NXN: variants seen among roughly 807,000 people sequenced by gnomAD.
NXN encodes nucleoredoxin.
Under a neutral mutation model 48.6 loss-of-function variants are expected in NXN, and 16 were observed. The observed-to-expected ratio is 0.33, with a 90% CI of 0.22 to 0.50. The LOEUF (loss-of-function observed/expected upper bound fraction) is 0.50. Ranked by LOEUF, NXN falls within the 20% of genes least tolerant of loss-of-function variation. The pLI, the probability that NXN is intolerant of heterozygous loss-of-function variation, is 0.98. For synonymous variants in NXN, 281 were observed against 269.6 expected, an observed-to-expected ratio of 1.04 and a Z score of -0.41; for missense variants, 492 against 605.5, an observed-to-expected ratio of 0.81 and a Z score of 1.97.
At chr17:848,405 T>C (rs1321298055) in intron 1 of NXN, among the ~76,000 whole-genome samples, 2 of 152,196 alleles carry the variant, frequency 1.3e-5, no homozygotes, top group African/African-American at 2.4e-5. Context: ...CCTCCCAAAG[T>C]GTTGGGATTA....
intron 1 of NXN, among the ~76,000 whole-genome samples, chr17:886,381 T>C (rs978031667): frequency 6.6e-6 from 1 of 152,174 alleles, no homozygotes; most frequent in African/African-American, 2.4e-5. Flanking sequence ...GAGGGAATAT[T>C]TATTCCAAGA....
In NXN at chr17:888,626, A is replaced by T. The variant is rs540816330; in HGVS notation, c.361-62548T>A. 2.6e-5 allele frequency among the ~76,000 whole-genome samples: 4 copies of T among 152,040 alleles called. No individual in the cohort carries two copies. The East Asian group carries it at 5.8e-4, about 22-fold the overall frequency. On this transcript the variant is annotated intron_variant, in intron 1 of 7. Transcript: ENST00000336868. ...ATAAAAAATAAATACAGCTGGGATG[A>T]GAGAGGACATTCTAGATGCATCAGA... is the stretch of plus-strand genomic sequence containing the variant.
intron 1 of NXN, among the ~76,000 whole-genome samples, chr17:832,478 C>G (rs1259085343): frequency 2.0e-5 from 3 of 152,142 alleles, no homozygotes; most frequent in African/African-American, 7.2e-5. Flanking sequence ...AGCCACCATG[C>G]CCAGCCTCAG....
chr17:873,731 A>C (rs961205636), intron 1 of NXN, among the ~76,000 whole-genome samples: 3 of 152,114 alleles, frequency 2.0e-5, no homozygotes, highest in Admixed American at 6.6e-5. Flanking sequence ...GCCTTCTCAG[A>C]CCTATGAAAA....
intron 1 of NXN, among the ~76,000 whole-genome samples, chr17:867,944 C>T (rs761634404): frequency 6.6e-6 from 1 of 151,716 alleles, no homozygotes; most frequent in Non-Finnish European, 1.5e-5. Flanking sequence ...TGTGCAGAAG[C>T]TGTTCAGATG....
chr17:825,543 T>G lies in NXN; in HGVS notation c.478+418A>C. On this transcript the variant is annotated intron_variant, in intron 2 of 7. Transcript: ENST00000336868. This position sits in a 1 kb window ranked among gnomAD's most constrained non-coding sequence, Gnocchi z 4.1. The stretch of plus-strand genomic sequence containing the variant: ...GCACTCACCGCCAAGGCCAGGAGAG[T>G]GACACGGGGGCTGGGACTTCGCTAT... 1 of 166,874 alleles carries G rather than the reference T, an allele frequency of 6.0e-6. No individual in the cohort carries two copies. Among genetic ancestry groups the G allele is most frequent in the Non-Finnish European group, 1.3e-5 (1 of 76,392 alleles). 10.3% of individuals were successfully genotyped at this position (166,874 alleles called of 1,614,324 possible).
intron 1 of NXN, among the ~76,000 whole-genome samples, chr17:831,981 G>T (rs1408015889): frequency 7.5e-6 from 1 of 132,752 alleles, no homozygotes; most frequent in Non-Finnish European, 1.6e-5. Context: ...GTTCTGTGGG[G>T]CTTGGGGCTC....
At chr17:887,163 C>T (rs939169191) in intron 1 of NXN, among the ~76,000 whole-genome samples, 6 of 152,026 alleles carry the variant, frequency 3.9e-5, no homozygotes, top group Non-Finnish European at 5.9e-5. Context: ...GCAATTCACC[C>T]GCCTCAACCT....
intron 1 of NXN, among the ~76,000 whole-genome samples, chr17:951,758 G>C (rs1016324971): frequency 2.8e-4 from 43 of 152,178 alleles, no homozygotes; most frequent in African/African-American, 1.0e-3. Flanking sequence ...GCCAGCCCCA[G>C]AGGGGCGGGC....
In NXN at chr17:835,165, G is replaced by A. The variant is rs532328887; in HGVS notation, c.361-9087C>T. Among the ~76,000 whole-genome samples the A allele has an allele frequency of 1.0e-3, 152 of 151,474 alleles. 1 individual carries two copies. The highest frequency in any genetic ancestry group is 2.9e-3 in the African/African-American group (118 of 41,236). ...CTACTAAAAATACAAAAAATTAGCCGGGTGTGGTGACGGGTGCCTGTACTC... is the reference window on the plus strand; with the variant it reads ...CTACTAAAAATACAAAAAATTAGCCAGGTGTGGTGACGGGTGCCTGTACTC... On this transcript the variant is annotated intron_variant, in intron 1 of 7. Coordinates refer to ENST00000336868, the MANE Select transcript of NXN (RefSeq NM_022463.5).
chr17:805,661 AC>A (rs202036560), intron 5 of NXN, among the ~76,000 whole-genome samples: 26,892 of 151,546 alleles, frequency 0.18, 2,626 homozygotes, highest in East Asian at 0.42. Context: ...ACATGGTGAA[AC>A]CCCCGTCTCT....
Position 821,750 on chromosome 17 carries a change from C to A in NXN, c.713+607G>T, listed in dbSNP as rs568265568. 2.9e-3 allele frequency among the ~76,000 whole-genome samples: 431 copies of A among 149,260 alleles called. 2 individuals carry two copies. Among genetic ancestry groups the A allele is most frequent in the African/African-American group, 0.01 (406 of 40,336 alleles). ...TGGGCGACAGAGCGAGACTCCGTCTCAAAAAAAACCCAAAAAACAAAAAAC... is the reference window on the plus strand; with the variant it reads ...TGGGCGACAGAGCGAGACTCCGTCTAAAAAAAAACCCAAAAAACAAAAAAC... On this transcript the variant is annotated intron_variant, in intron 4 of 7. Coordinates refer to ENST00000336868, the MANE Select transcript of NXN (RefSeq NM_022463.5).
chr17:896,855 C>CCCGGGGGGGGGGGG, intron 1 of NXN: 1 of 1,102,006 alleles, frequency 9.1e-7, no homozygotes, highest in Non-Finnish European at 1.2e-6. Context: ...GCGGTCCTGA[C>CCCGGGGGGGGGGGG]CACCCGCCCC....
chr17:819,474 C>A lies in NXN; in HGVS notation c.785G>T (p.Arg262Leu). The change falls in exon 5 of 8, where the codon CGG becomes CTG. Residue 262 changes from arginine (R) to leucine (L), a missense_variant. Around this residue, in one of 3 missense-constraint regions of NXN, gnomAD observed 303 missense variants for 388.3 expected, o/e 0.78. Coordinates refer to ENST00000336868, the MANE Select transcript of NXN (RefSeq NM_022463.5). ...GTACAGCCGGTTGAGGCGCGACCGC[C>A]GGGCCTCATCCGTGTAGGGGACGGC... Reference protein sequence around the residue: ...WLAVPYTDEARRSRLNRLYGI... With the variant: ...WLAVPYTDEALRSRLNRLYGI... 1 of 1,614,126 alleles carries A rather than the reference C, an allele frequency of 6.2e-7. No individual in the cohort carries two copies. The highest frequency in any genetic ancestry group is 1.3e-5 in the African/African-American group (1 of 75,070).
At chr17:842,114 C>G (rs138139862) in intron 1 of NXN, among the ~76,000 whole-genome samples, 1 of 152,112 alleles carries the variant, frequency 6.6e-6, no homozygotes, top group East Asian at 1.9e-4. Flanking sequence ...CCAGCCTGGG[C>G]GACAGAGAGA....
chr17:971,019 T>C (rs1445891732), intron 1 of NXN, among the ~76,000 whole-genome samples: 3 of 150,226 alleles, frequency 2.0e-5, no homozygotes, highest in Non-Finnish European at 2.9e-5. Context: ...CGATCTCGGC[T>C]CAATGCAACC....
chr17:895,829 A>AC lies in NXN; in HGVS notation c.361-69752_361-69751insG, dbSNP rs59143275. Among the ~76,000 whole-genome samples the AC allele has an allele frequency of 3.4e-3, 508 of 150,290 alleles. 7 individuals are homozygous for AC. The highest frequency in any genetic ancestry group is 0.012 in the African/African-American group (478 of 40,708). ...GTCTCAAAAACAAACAAACAAACAAAAAAACTAATTTTTCCCAACATCATT... is the reference window on the plus strand; with the variant it reads ...GTCTCAAAAACAAACAAACAAACAAACAAAACTAATTTTTCCCAACATCATT... On this transcript the variant is annotated intron_variant, in intron 1 of 7. Coordinates refer to ENST00000336868, the MANE Select transcript of NXN (RefSeq NM_022463.5).
intron 1 of NXN, among the ~76,000 whole-genome samples, chr17:926,300 C>T (rs1309708538): frequency 6.6e-6 from 1 of 152,182 alleles, no homozygotes; most frequent in Non-Finnish European, 1.5e-5. Flanking sequence ...AATCCTCCCA[C>T]TCCAGCCCTC....
At chr17:955,481 C>G (rs2069156422) in intron 1 of NXN, among the ~76,000 whole-genome samples, 2 of 150,894 alleles carry the variant, frequency 1.3e-5, no homozygotes, top group African/African-American at 4.9e-5. Flanking sequence ...CATCTCTTCT[C>G]TAAGAGCAAA....
Sources: gnomAD v4.1 joint callset for allele counts (sites outside exome capture counted in the v4.1 genomes callset) on GRCh38, gnomAD v4.1.1 for gene constraint, gnomAD v4.1.1 regional missense constraint, Gnocchi (gnomAD v3.1) non-coding constraint, MANE v1.5 for transcripts, NCBI Gene and HGNC (gene_info 2026-07-23, HGNC 2026-07-21) for gene names.